CRMP1: variants seen among roughly 807,000 people sequenced by gnomAD.
CRMP1 encodes collapsin response mediator protein 1.
In CRMP1, 19 loss-of-function variants were observed where a neutral mutation model predicts 68.3. The observed-to-expected ratio is 0.28, with a 90% CI of 0.19 to 0.41. CRMP1 has a LOEUF of 0.41. Among genes scored for constraint, CRMP1 ranks in the 10% least tolerant of loss-of-function variants. The pLI is 1.00. For synonymous variants in CRMP1, 439 were observed against 399.6 expected (o/e 1.10, Z -1.18); for missense variants, 791 against 967.4 (o/e 0.82, Z 2.42).
rs2152458304 is a variant in CRMP1 at position 5,836,693 on chromosome 4, G to A, written c.1452+72C>T. ...AAGGGAACTTTTAAGAACCCAGCGT[G>A]CATAATGCATCGGCTTTCACAGGGC... On this transcript the variant is annotated intron_variant, in intron 10 of 13. Coordinates refer to ENST00000324989, the MANE Select transcript of CRMP1 (RefSeq NM_001014809.3). 5.0e-6 allele frequency: 8 copies of A among 1,606,856 alleles called. No homozygotes were observed. In the South Asian group the frequency reaches 8.8e-5, roughly 18 times the overall value.
At chr4:5,878,682 C>A (rs1345723755) in intron 1 of CRMP1, among the ~76,000 whole-genome samples, 1 of 152,176 alleles carries the variant, frequency 6.6e-6, no homozygotes, top group Non-Finnish European at 1.5e-5. Flanking sequence ...TGGCCCCACA[C>A]CTCCAAACTC....
rs1014155206 is a variant in CRMP1 at position 5,828,573 on chromosome 4, G to A, written c.1719C>T (p.Ile573=). The change falls in exon 12 of 14, where the codon ATC becomes ATT. Residue 573 remains isoleucine (I), a synonymous_variant. Transcript: ENST00000324989. The part of the protein sequence containing the change: ...QGKIVFEDGN[I]NVNKGMGRFI... ...AGCGGCCCATGCCCTTGTTGACGTT[G>A]ATGTTTCCGTCTTCAAAGACGATCT... The A allele has an allele frequency of 1.9e-6, 3 of 1,614,074 alleles. No individual in the cohort carries two copies. The African/African-American group carries it at 4.0e-5, about 22-fold the overall frequency.
chr4:5,869,716 G>C (rs1489614425), intron 1 of CRMP1, among the ~76,000 whole-genome samples: 1 of 150,580 alleles, frequency 6.6e-6, no homozygotes, highest in East Asian at 1.9e-4. Flanking sequence ...AAGAAAAGAA[G>C]TAAACTGACA....
At position 5,860,789 on chromosome 4, in the gene CRMP1, A is replaced by T. The variant is rs1348828041; in HGVS notation, c.655+237T>A. On this transcript the variant is annotated intron_variant, in intron 3 of 13. Coordinates refer to ENST00000324989, the MANE Select transcript of CRMP1 (RefSeq NM_001014809.3). The surrounding 1 kb of genome is among the most constrained non-coding windows in gnomAD (Gnocchi z 4.2). ...GTTTTATTTCAATATTTTAAAAATA[A>T]TTTTTTAAAATTGGTACCTATAAAA... Among the ~76,000 whole-genome samples the T allele has an allele frequency of 6.6e-6, 1 of 152,182 alleles. No homozygotes were observed. The highest frequency in any genetic ancestry group is 1.5e-5 in the Non-Finnish European group (1 of 68,028).
intron 1 of CRMP1, among the ~76,000 whole-genome samples, chr4:5,869,200 T>TC (rs1714258944): frequency 6.6e-6 from 1 of 152,144 alleles, no homozygotes; most frequent in Non-Finnish European, 1.5e-5. Context: ...CAATCCTCCC[T>TC]CCTCGGTTTC....
At chr4:5,875,753 A>G (rs1431714444) in intron 1 of CRMP1, among the ~76,000 whole-genome samples, 1 of 152,122 alleles carries the variant, frequency 6.6e-6, no homozygotes, top group East Asian at 1.9e-4. Context: ...ACATGGACAC[A>G]GAGACCGTGA....
At position 5,841,012 on chromosome 4, in the gene CRMP1, A is replaced by G. The variant is rs1711681616; in HGVS notation, c.1153+296T>C. Among the ~76,000 whole-genome samples the G allele has an allele frequency of 6.6e-6, 1 of 152,254 alleles. No homozygotes were observed. Among genetic ancestry groups the G allele is most frequent in the African/African-American group, 2.4e-5 (1 of 41,462 alleles). ...GAAGAGAGTACAGAAAACATCATGCAAAATATTAATGATTTTTACATTGAT... is the reference window on the plus strand; with the variant it reads ...GAAGAGAGTACAGAAAACATCATGCGAAATATTAATGATTTTTACATTGAT... On this transcript the variant is annotated intron_variant, in intron 8 of 13. Coordinates refer to ENST00000324989, the MANE Select transcript of CRMP1 (RefSeq NM_001014809.3). This position sits in a 1 kb window ranked among gnomAD's most constrained non-coding sequence, Gnocchi z 6.9.
rs1348614558 is a variant in CRMP1, at chr4:5,893,028, C to CCGCCGTG, written c.-66_-60dup. On this transcript the variant is annotated 5_prime_UTR_variant, in exon 1 of 14. Transcript: ENST00000324989. The stretch of plus-strand genomic sequence containing the variant: ...GCCTGCCCGCCCGCGGCCCTGGGCA[C>CCGCCGTG]CGCCGTGCGCCGCGCTCCGCGCCTC... 9 of 1,053,256 alleles carry CCGCCGTG rather than the reference C, an allele frequency of 8.5e-6. No homozygotes were observed. Among genetic ancestry groups the CCGCCGTG allele is most frequent in the Non-Finnish European group, 1.0e-5 (9 of 865,662 alleles). 65.2% of individuals were successfully genotyped at this position (1,053,256 alleles called of 1,614,324 possible).
intron 1 of CRMP1, chr4:5,887,251 G>T: frequency 1.5e-6 from 1 of 657,774 alleles, no homozygotes; most frequent in African/African-American, 1.9e-5. Flanking sequence ...TCTGGCAGGT[G>T]CCCTGCGACT....
chr4:5,851,330 C>T, intron 5 of CRMP1, 78 bp downstream of exon 5: 1 of 1,291,164 alleles, frequency 7.7e-7, no homozygotes, highest in South Asian at 1.2e-5. Context: ...ATCTCCCTTG[C>T]CCTGTGCTGC....
At chr4:5,831,075 A>C (rs535439000) in intron 11 of CRMP1, among the ~76,000 whole-genome samples, 1 of 152,202 alleles carries the variant, frequency 6.6e-6, no homozygotes, top group Admixed American at 6.5e-5. Context: ...CAGCCTCTCA[A>C]GTAGCTAGGA....
At position 5,856,686 on chromosome 4, in the gene CRMP1, CATT is replaced by C. The variant is rs201945531; in HGVS notation, c.656-382_656-380del. ...TCATTACCATCACCATCATCATCAT[CATT>C]ACCATTATCACCACTACCACCACCG... On this transcript the variant is annotated intron_variant, in intron 3 of 13. Coordinates refer to ENST00000324989, the MANE Select transcript of CRMP1 (RefSeq NM_001014809.3). Among the ~76,000 whole-genome samples the C allele has an allele frequency of 9.2e-3, 1,390 of 151,802 alleles. 22 individuals are homozygous for C. Among genetic ancestry groups the C allele is most frequent in the African/African-American group, 0.032 (1,302 of 41,310 alleles).
At chr4:5,835,816 T>A (rs1288488359) in intron 11 of CRMP1, 99 bp downstream of exon 11, 71 of 1,296,238 alleles carry the variant, frequency 5.5e-5, no homozygotes, top group Middle Eastern at 2.0e-4. Flanking sequence ...TCAGATCACA[T>A]CCTAGTTGGA....
Position 5,888,304 on chromosome 4 carries a change from C to G in CRMP1, c.381+4285G>C. 8.0e-7 allele frequency: 1 copy of G among 1,253,570 alleles called. No individual in the cohort carries two copies. Among genetic ancestry groups the G allele is most frequent in the Non-Finnish European group, 1.0e-6 (1 of 993,360 alleles). The allele number at this position is 1,253,570 out of a possible 1,614,324, so 77.7% of individuals were successfully genotyped here. On this transcript the variant is annotated intron_variant, in intron 1 of 13. Transcript: ENST00000324989. This position sits in a 1 kb window ranked among gnomAD's most constrained non-coding sequence, Gnocchi z 6.4. ...CGCCCTCGGCCCGGCCGCTGACCTG[C>G]GGGGCTGTCTGACTGGAACCGGCGC...
At chr4:5,822,701 G>A (rs1718850703) in intron 13 of CRMP1, among the ~76,000 whole-genome samples, 1 of 152,156 alleles carries the variant, frequency 6.6e-6, no homozygotes, top group Non-Finnish European at 1.5e-5. Flanking sequence ...ATCAGGGAGG[G>A]GAAGTTGAGC....
At chr4:5,822,176 C>G (rs1718716951) in intron 13 of CRMP1, among the ~76,000 whole-genome samples, 1 of 152,352 alleles carries the variant, frequency 6.6e-6, no homozygotes, top group South Asian at 2.1e-4. Context: ...ACATTTGGTG[C>G]TTTAACATGT....
In CRMP1 at chr4:5,889,820, G is replaced by C; in HGVS notation, c.381+2769C>G. Reference sequence around the variant, plus strand: ...CCCCAGGGGCCAGTCCCCTAATCCAGGGCAGGAGGCCAGAGACACCTGGGC... The same window carrying C: ...CCCCAGGGGCCAGTCCCCTAATCCACGGCAGGAGGCCAGAGACACCTGGGC... On this transcript the variant is annotated intron_variant, in intron 1 of 13. Transcript: ENST00000324989. The surrounding 1 kb of genome is among the most constrained non-coding windows in gnomAD (Gnocchi z 4.5). The C allele has an allele frequency of 6.7e-7, 1 of 1,495,894 alleles. No individual in the cohort carries two copies. The highest frequency in any genetic ancestry group is 8.9e-7 in the Non-Finnish European group (1 of 1,124,714). The allele number at this position is 1,495,894 out of a possible 1,614,324, so 92.7% of individuals were successfully genotyped here.
chr4:5,868,271 A>ATATC (rs1560513250), intron 1 of CRMP1, among the ~76,000 whole-genome samples: 308 of 24,652 alleles, frequency 0.012, 1 homozygote, highest in South Asian at 0.029. Flanking sequence ...CTATATATAT[A>ATATC]TATATATATA....
rs1004700598 is a variant in CRMP1 at position 5,890,843 on chromosome 4, C to T, written c.381+1746G>A. On this transcript the variant is annotated intron_variant, in intron 1 of 13. Coordinates refer to ENST00000324989, the MANE Select transcript of CRMP1 (RefSeq NM_001014809.3). The surrounding 1 kb of genome is among the most constrained non-coding windows in gnomAD (Gnocchi z 5.5). Reference sequence around the variant, plus strand: ...AGAGGAACTCTCCTTGGGACAGCTACGGGCCGTGCACAAAGCGCCCTCGCC... The same window carrying T: ...AGAGGAACTCTCCTTGGGACAGCTATGGGCCGTGCACAAAGCGCCCTCGCC... Among the ~76,000 whole-genome samples, 2 of 152,058 alleles carry T rather than the reference C, an allele frequency of 1.3e-5. No individual in the cohort carries two copies. The highest frequency in any genetic ancestry group is 2.4e-5 in the African/African-American group (1 of 41,438).
Sources: allele counts gnomAD v4.1 joint callset (sites outside exome capture counted in the v4.1 genomes callset), GRCh38; gene constraint gnomAD v4.1.1; non-coding constraint Gnocchi (gnomAD v3.1); transcripts MANE v1.5; gene names NCBI Gene and HGNC (gene_info 2026-07-23, HGNC 2026-07-21).